GEMIN5: variants seen among roughly 807,000 people sequenced by gnomAD.
GEMIN5 encodes gem nuclear organelle associated protein 5.
A neutral mutation model predicts 176.9 loss-of-function variants in GEMIN5; 124 were observed. The observed-to-expected ratio is 0.70, with a 90% confidence interval of 0.61 to 0.81. The LOEUF is 0.81. GEMIN5 is among the 40% of genes least tolerant of loss of function. The pLI, the probability that GEMIN5 is intolerant of heterozygous loss-of-function variation, is 0.00. For synonymous variants in GEMIN5, 673 were observed against 665.2 expected (o/e 1.01, Z -0.18); for missense variants, 1,843 against 1,814.6 (o/e 1.02, Z -0.28).
chr5:154,936,153 A>T, intron 2 of GEMIN5, 131 bp from the exon 3 acceptor site: 1 of 608,864 alleles, frequency 1.6e-6, no homozygotes. Context: ...GCGGTGGCTC[A>T]CGCCTGTAAT....
rs1229597113 is a variant in GEMIN5 at position 154,905,465 on chromosome 5, G to C, written c.2407C>G (p.Pro803Ala). The C allele has an allele frequency of 6.4e-7, 1 of 1,553,508 alleles. No individual in the cohort carries two copies. Among genetic ancestry groups the C allele is most frequent in the African/African-American group, 1.4e-5 (1 of 73,070 alleles). Residue 803 changes from proline to alanine, a missense_variant, in exon 17 of 28, where the codon CCA (proline) becomes GCA (alanine). By Grantham distance (27) the Pro-to-Ala change is conservative. Coordinates refer to ENST00000285873, the MANE Select transcript of GEMIN5 (RefSeq NM_015465.5). ...GAGGAAACTGGAGTGCAGATAACTG[G>C]TTCTCTAGAAACTACATCATGGGGG... ...CGLAPAVSRE[P>A]VICTPVSSGF...
Position 154,937,134 on chromosome 5 carries a change from G to C in GEMIN5, c.218C>G (p.Ser73Cys). 4.3e-6 allele frequency: 7 copies of C among 1,613,762 alleles called. No individual in the cohort carries two copies. Among genetic ancestry groups the C allele is most frequent in the Non-Finnish European group, 5.9e-6 (7 of 1,179,722 alleles). The stretch of plus-strand genomic sequence containing the variant: ...GAGGTTGTACTGACCAGGGTGATGA[G>C]AAAATGTGAAGCCAGAGACCCTTTC... ...HTERVSGFTFSHHPGQYNLCA... is the reference protein window; with the variant it reads ...HTERVSGFTFCHHPGQYNLCA... The change falls in exon 2 of 28, where the codon TCT becomes TGT. Residue 73 changes from serine (S) to cysteine (C), a missense_variant. Ser to Cys is a moderately radical substitution (Grantham distance 112). Transcript: ENST00000285873.
Position 154,899,307 on chromosome 5 carries a change from T to C in GEMIN5, c.3018A>G (p.Glu1006=). ...GCCGGGCCTTGGCAATCGCAATAGC[T>C]TCCCTAAAGGCAAGAACAGACCCTT... is the stretch of plus-strand genomic sequence containing the variant. The part of the protein sequence containing the change: ...ELLKSNHFYR[E]AIAIAKARLR... The change falls in exon 22 of 28, where the codon GAA becomes GAG. Residue 1006 remains glutamate (E), a synonymous_variant. Transcript: ENST00000285873. The C allele has an allele frequency of 1.9e-6, 3 of 1,610,538 alleles. No homozygotes were observed. The highest frequency in any genetic ancestry group is 1.1e-5 in the South Asian group (1 of 90,054).
At chr5:154,919,449 C>G (rs1305125456) in intron 11 of GEMIN5, among the ~76,000 whole-genome samples, 1 of 152,188 alleles carries the variant, frequency 6.6e-6, no homozygotes, top group Non-Finnish European at 1.5e-5. Context: ...ATGTGGGAAT[C>G]TGGGTAAAGG....
intron 10 of GEMIN5, among the ~76,000 whole-genome samples, chr5:154,920,888 A>G (rs1278971389): frequency 6.6e-6 from 1 of 152,202 alleles, no homozygotes; most frequent in Non-Finnish European, 1.5e-5. Flanking sequence ...AGAAGAGGGA[A>G]AGGAGCAGAA....
intron 3 of GEMIN5, among the ~76,000 whole-genome samples, chr5:154,932,547 G>T (rs1478756489): frequency 6.6e-6 from 1 of 152,112 alleles, no homozygotes; most frequent in African/African-American, 2.4e-5. Flanking sequence ...TGTTCTAAGG[G>T]AATTTTCATA....
chr5:154,932,309 T>C (rs907908368), intron 3 of GEMIN5, 59 bp from the exon 4 acceptor site: 5 of 1,323,640 alleles, frequency 3.8e-6, no homozygotes, highest in African/African-American at 3.0e-5. Flanking sequence ...GAGTCTCTAG[T>C]AAACATTTTG....
chr5:154,893,007 G>T (rs962280901), intron 24 of GEMIN5, among the ~76,000 whole-genome samples: 5 of 152,110 alleles, frequency 3.3e-5, no homozygotes, highest in Non-Finnish European at 5.9e-5. Flanking sequence ...TGAGACAGAA[G>T]AATTGCTTGA....
chr5:154,894,562 G>A (rs1474272565), intron 24 of GEMIN5, among the ~76,000 whole-genome samples: 1 of 152,086 alleles, frequency 6.6e-6, no homozygotes, highest in African/African-American at 2.4e-5. Context: ...CATGAGGTCA[G>A]AAGTTCAAGA....
intron 3 of GEMIN5, among the ~76,000 whole-genome samples, chr5:154,932,959 A>AT (rs1435139000): frequency 6.6e-6 from 1 of 152,218 alleles, no homozygotes; most frequent in Non-Finnish European, 1.5e-5. Context: ...GAACTTAACA[A>AT]AAGTTGCAGA....
intron 26 of GEMIN5, among the ~76,000 whole-genome samples, chr5:154,890,789 A>T (rs1227655231): frequency 6.6e-6 from 1 of 151,890 alleles, no homozygotes; most frequent in Admixed American, 6.6e-5. Flanking sequence ...TTTGAGATGA[A>T]GTCTCCCTCT....
In GEMIN5 at chr5:154,921,414, A is replaced by G. The variant is rs752947365; in HGVS notation, c.1391T>C (p.Ile464Thr). The change falls in exon 10 of 28, where the codon ATT becomes ACT. Residue 464 changes from isoleucine (I) to threonine (T), a missense_variant. Coordinates refer to ENST00000285873, the MANE Select transcript of GEMIN5 (RefSeq NM_015465.5). ...YDTYSNKPPQ[I>T]SSTYHKKTVY... is the part of the protein sequence containing the mutation. Reference sequence around the variant, plus strand: ...AGTCTTCTTATGATATGTGCTAGAAATCTGTGGAGGCCTTTAGAAGAGCAG... The same window carrying G: ...AGTCTTCTTATGATATGTGCTAGAAGTCTGTGGAGGCCTTTAGAAGAGCAG... 1.4e-6 allele frequency: 2 copies of G among 1,452,726 alleles called. No homozygotes were observed. The highest frequency in any genetic ancestry group is 1.9e-6 in the Non-Finnish European group (2 of 1,055,788). 90.0% of individuals were successfully genotyped at this position (1,452,726 alleles called of 1,614,324 possible).
In GEMIN5 at chr5:154,928,572, T is replaced by A. The variant is rs771996301; in HGVS notation, c.869A>T (p.His290Leu). The change falls in exon 6 of 28, where the codon CAT (histidine) becomes CTT (leucine). Residue 290 changes from histidine to leucine, a missense_variant. Coordinates refer to ENST00000285873, the MANE Select transcript of GEMIN5 (RefSeq NM_015465.5). ...CTGTGTTGGTTGATTGCTGGGCCAA[T>A]GGAGTGTCAACCAAAGGCGCTCTTT... ...TVKERLWLTL[H>L]WPSNQPTQLV... The A allele has an allele frequency of 1.9e-6, 3 of 1,613,988 alleles. No individual in the cohort carries two copies. In the African/African-American group the frequency reaches 4.0e-5, roughly 22 times the overall value.
chr5:154,937,272 A>G (rs1444335110), intron 1 of GEMIN5, 87 bp from the exon 2 acceptor site: 1 of 1,121,468 alleles, frequency 8.9e-7, no homozygotes, highest in Non-Finnish European at 1.3e-6. Context: ...ACAAGTGAGC[A>G]GATGCTTTGG....
chr5:154,897,968 TG>T (rs2113462149), intron 23 of GEMIN5, among the ~76,000 whole-genome samples: 1 of 150,138 alleles, frequency 6.7e-6, no homozygotes, highest in South Asian at 2.1e-4. Context: ...GGCTGGATCT[TG>T]GCTCGCTGCA....
At chr5:154,931,396 G>A (rs1424604153) in intron 5 of GEMIN5, 62 bp downstream of exon 5, 1 of 1,516,178 alleles carries the variant, frequency 6.6e-7, no homozygotes, top group East Asian at 2.3e-5. Context: ...AATAAGAACA[G>A]AAAACCCTCT....
intron 22 of GEMIN5, 126 bp downstream of exon 22, chr5:154,899,065 C>A: frequency 2.3e-6 from 2 of 884,280 alleles, no homozygotes; most frequent in Admixed American, 5.2e-5. Flanking sequence ...GTTGAATATA[C>A]ATATCTTTTA....
chr5:154,896,200 C>T lies in GEMIN5; in HGVS notation c.3489G>A (p.Val1163=). 1 of 1,614,050 alleles carries T rather than the reference C, an allele frequency of 6.2e-7. No homozygotes were observed. The highest frequency in any genetic ancestry group is 8.5e-7 in the Non-Finnish European group (1 of 1,179,966). The change falls in exon 24 of 28, where the codon GTG becomes GTA. Residue 1163 remains valine (V), a synonymous_variant. Transcript: ENST00000285873. ...TGTCAAGGCTGAAGATGCTCTTCCACACTGCAGTCACCCTCTCCACGAAAG... is the reference window on the plus strand; with the variant it reads ...TGTCAAGGCTGAAGATGCTCTTCCATACTGCAGTCACCCTCTCCACGAAAG... ...EGPFVERVTA[V]WKSIFSLDTP... is the part of the protein sequence containing the mutation.
Position 154,937,968 on chromosome 5 carries a change from C to T in GEMIN5, c.166G>A (p.Val56Ile), listed in dbSNP as rs1010530246. Residue 56 changes from valine (V) to isoleucine (I), a missense_variant and splice_region_variant, in exon 1 of 28, where the codon GTC becomes ATC. By Grantham distance (29) the Val-to-Ile change is conservative (BLOSUM62 3). Transcript: ENST00000285873. ...CTCGGGCCCAAGGGTGGTGAGTTAC[C>T]TCGAAACGGGGGTGTCCCTGGACTC... The part of the protein sequence containing the change: ...GESPGTPPFR[V>I]IGELVGHTER... 2 of 1,572,540 alleles carry T rather than the reference C, an allele frequency of 1.3e-6. No individual in the cohort carries two copies. The highest frequency in any genetic ancestry group is 3.6e-5 in the Admixed American group (2 of 54,980).
Sources: allele counts gnomAD v4.1 joint callset (sites outside exome capture counted in the v4.1 genomes callset), GRCh38; gene constraint gnomAD v4.1.1; transcripts MANE v1.5; gene names NCBI Gene and HGNC (gene_info 2026-07-23, HGNC 2026-07-21).